Variants in MMP16 observed in about 807,000 individuals in gnomAD.
MMP16 encodes the protein matrix metalloproteinase-16.
In MMP16, 12 loss-of-function variants were observed where a neutral mutation model predicts 67.8. The observed-to-expected ratio is 0.18, with a 90% CI of 0.11 to 0.29. MMP16 has a LOEUF of 0.29. Among genes scored for constraint, MMP16 ranks in the 10% least tolerant of loss-of-function variants. The pLI is 1.00. For missense variants in MMP16, 475 were observed against 765.7 expected, an observed-to-expected ratio of 0.62 and a Z score of 4.48; for synonymous variants, 249 against 255.9, an observed-to-expected ratio of 0.97 and a Z score of 0.26.
chr8:88,204,048 T>C (rs1809387598), intron 1 of MMP16, among the ~76,000 whole-genome samples: 1 of 152,224 alleles, frequency 6.6e-6, no homozygotes, highest in Non-Finnish European at 1.5e-5. Context: ...CACATGACAT[T>C]ACACTCAGAA....
intron 6 of MMP16, among the ~76,000 whole-genome samples, chr8:88,090,673 CT>C (rs548782484): frequency 1.5e-3 from 225 of 151,846 alleles, no homozygotes; most frequent in Middle Eastern, 6.9e-3. Flanking sequence ...TTTAATATTA[CT>C]GATTACAACT....
chr8:88,298,066 CTAAA>C (rs1322991647), intron 1 of MMP16, among the ~76,000 whole-genome samples: 1 of 151,902 alleles, frequency 6.6e-6, no homozygotes, highest in Non-Finnish European at 1.5e-5. Flanking sequence ...AAAATGATGG[CTAAA>C]TAAATTAAAA....
chr8:88,139,600 T>A (rs1199855396), intron 4 of MMP16, among the ~76,000 whole-genome samples: 1 of 152,134 alleles, frequency 6.6e-6, no homozygotes, highest in Non-Finnish European at 1.5e-5. Context: ...TAATTGCCAG[T>A]TTTTTTACCC....
At chr8:88,100,501 A>T (rs1383938031) in intron 6 of MMP16, among the ~76,000 whole-genome samples, 1 of 152,032 alleles carries the variant, frequency 6.6e-6, no homozygotes, top group African/African-American at 2.4e-5. Context: ...GGATATAGAG[A>T]AATAGAAACA....
At chr8:88,325,596 G>T (rs1811523291) in intron 1 of MMP16, among the ~76,000 whole-genome samples, 1 of 152,018 alleles carries the variant, frequency 6.6e-6, no homozygotes, top group African/African-American at 2.4e-5. Context: ...TAAATGTTAG[G>T]TACAAAAATC....
chr8:88,294,312 ATATGTCTATATGTG>A (rs1250155049), intron 1 of MMP16, among the ~76,000 whole-genome samples: 1 of 151,004 alleles, frequency 6.6e-6, no homozygotes, highest in Non-Finnish European at 1.5e-5. Flanking sequence ...GTATATATGT[ATATGTCTATATGTG>A]TATGTCTATA....
chr8:88,036,240 C>T lies in MMP16; in HGVS notation c.*5221G>A, dbSNP rs1808051787. The T allele has an allele frequency of 6.6e-6, 1 of 151,890 alleles. No individual in the cohort carries two copies. The highest frequency in any genetic ancestry group is 2.4e-5 in the African/African-American group (1 of 41,396). The allele number at this position is 151,890 out of a possible 1,614,324, so 9.4% of individuals were successfully genotyped here. A position where few individuals can be genotyped will look rare whatever the true frequency, so the allele number is the denominator to read the frequency against. The stretch of plus-strand genomic sequence containing the variant: ...TCTAATGACCACTGGCTAAATATTA[C>T]ATTGATATATCACATAATCATCACT... On this transcript the variant is annotated 3_prime_UTR_variant, in exon 10 of 10. Coordinates refer to ENST00000286614, the MANE Select transcript of MMP16 (RefSeq NM_005941.5).
chr8:88,265,205 G>C (rs1321047819), intron 1 of MMP16, among the ~76,000 whole-genome samples: 2 of 139,484 alleles, frequency 1.4e-5, no homozygotes, highest in Non-Finnish European at 1.6e-5. Context: ...ACAAACTAAG[G>C]GTAGAAATGA....
At chr8:88,195,803 A>ATC (rs1001402387) in intron 2 of MMP16, among the ~76,000 whole-genome samples, 6 of 152,146 alleles carry the variant, frequency 3.9e-5, no homozygotes, top group Admixed American at 6.6e-5. Context: ...ATATTTATGC[A>ATC]TCTCTCAAAA....
In MMP16 at chr8:88,040,919, C is replaced by G. The variant is rs1163775301; in HGVS notation, c.*542G>C. The G allele has an allele frequency of 1.3e-5, 2 of 152,672 alleles. No homozygotes were observed. The highest frequency in any genetic ancestry group is 2.9e-5 in the Non-Finnish European group (2 of 68,230). The allele number at this position is 152,672 out of a possible 1,614,324, so 9.5% of individuals were successfully genotyped here. ...TCCAAAGCAGTCAGAGAGCTATCTT[C>G]TTTGGAGACAAAGCTGTTTTGGGTC... On this transcript the variant is annotated 3_prime_UTR_variant, in exon 10 of 10. Coordinates refer to ENST00000286614, the MANE Select transcript of MMP16 (RefSeq NM_005941.5).
intron 1 of MMP16, among the ~76,000 whole-genome samples, chr8:88,267,351 T>C (rs2222294): frequency 0.82 from 124,803 of 152,186 alleles, 51,662 homozygotes; most frequent in East Asian, 0.99. Flanking sequence ...CTTTTTACTA[T>C]AGATCTCACA....
At chr8:88,317,043 G>T (rs746629101) in intron 1 of MMP16, among the ~76,000 whole-genome samples, 9 of 152,176 alleles carry the variant, frequency 5.9e-5, no homozygotes, top group Non-Finnish European at 8.8e-5. Context: ...GATAAGCAAA[G>T]AGTGGTTTCT....
At chr8:88,079,444 T>C (rs2118302105) in intron 6 of MMP16, among the ~76,000 whole-genome samples, 1 of 152,282 alleles carries the variant, frequency 6.6e-6, no homozygotes, top group Non-Finnish European at 1.5e-5. Context: ...GAACATAGTG[T>C]ATGGTCTGGT....
intron 6 of MMP16, among the ~76,000 whole-genome samples, chr8:88,079,153 G>A (rs181219679): frequency 1.8e-4 from 28 of 152,184 alleles, no homozygotes; most frequent in African/African-American, 6.7e-4. Context: ...GCTTGACAGA[G>A]GAAAGCTCTT....
At chr8:88,191,233 G>A (rs1384009369) in intron 2 of MMP16, among the ~76,000 whole-genome samples, 1 of 152,110 alleles carries the variant, frequency 6.6e-6, no homozygotes, top group Non-Finnish European at 1.5e-5. Context: ...TTACCTCGCT[G>A]ACTCAATAGT....
intron 7 of MMP16, among the ~76,000 whole-genome samples, chr8:88,059,725 C>A (rs1347574996): frequency 2.0e-5 from 3 of 151,886 alleles, no homozygotes; most frequent in Non-Finnish European, 4.4e-5. Context: ...TAGAGCCAGT[C>A]AAAATGCTGT....
chr8:88,230,842 A>C (rs972084728), intron 1 of MMP16, among the ~76,000 whole-genome samples: 2 of 152,118 alleles, frequency 1.3e-5, no homozygotes, highest in African/African-American at 4.8e-5. Context: ...CCCATTATTC[A>C]TGATCTCTCT....
intron 1 of MMP16, among the ~76,000 whole-genome samples, chr8:88,299,411 C>A (rs1811064017): frequency 6.6e-6 from 1 of 152,058 alleles, no homozygotes; most frequent in African/African-American, 2.4e-5. Flanking sequence ...CTGGAAGTAG[C>A]AAGATGAAAA....
At chr8:88,240,925 T>C (rs1373544942) in intron 1 of MMP16, among the ~76,000 whole-genome samples, 1 of 152,192 alleles carries the variant, frequency 6.6e-6, no homozygotes, top group Non-Finnish European at 1.5e-5. Flanking sequence ...CACAGTCTGA[T>C]TTTTCTACTT....
Sources: allele counts gnomAD v4.1 joint callset (sites outside exome capture counted in the v4.1 genomes callset), GRCh38; gene constraint gnomAD v4.1.1; transcripts MANE v1.5; gene names NCBI Gene and HGNC (gene_info 2026-07-23, HGNC 2026-07-21).